Variants in MTREX observed in about 807,000 individuals in gnomAD.
MTREX encodes the protein Mtr4 exosome RNA helicase.
A neutral mutation model predicts 135.4 loss-of-function variants in MTREX; 76 were observed. The observed-to-expected ratio is 0.56, with a 90% confidence interval of 0.47 to 0.68. The LOEUF (loss-of-function observed/expected upper bound fraction) is 0.68. Ranked by LOEUF, MTREX falls within the 30% of genes least tolerant of loss-of-function variation. The pLI is 0.00. For synonymous variants in MTREX, 404 were observed against 401.6 expected, an observed-to-expected ratio of 1.01 and a Z score of -0.07; for missense variants, 920 against 1,262.1, an observed-to-expected ratio of 0.73 and a Z score of 4.11.
chr5:55,390,394 C>T (rs1340582826), intron 19 of MTREX, among the ~76,000 whole-genome samples: 1 of 152,212 alleles, frequency 6.6e-6, no homozygotes, highest in Non-Finnish European at 1.5e-5. Context: ...AGCCACCGCA[C>T]CTGGCCTTGA....
intron 15 of MTREX, among the ~76,000 whole-genome samples, chr5:55,365,851 C>A (rs148342250): frequency 0.012 from 1,770 of 152,044 alleles, 15 homozygotes; most frequent in Non-Finnish European, 0.018. Flanking sequence ...ATTAGCTGGG[C>A]CTGGTGGCAC....
At chr5:55,389,802 A>G (rs1035649771) in intron 19 of MTREX, among the ~76,000 whole-genome samples, 2 of 152,050 alleles carry the variant, frequency 1.3e-5, no homozygotes, top group Admixed American at 1.3e-4. Context: ...GAGAGGGACT[A>G]TAGGTTAAGA....
chr5:55,374,030 A>C (rs2112094066), intron 16 of MTREX, among the ~76,000 whole-genome samples: 1 of 152,112 alleles, frequency 6.6e-6, no homozygotes, highest in South Asian at 2.1e-4. Context: ...GACTGAGGTG[A>C]GTGGATCACT....
chr5:55,412,749 C>T (rs949474237), intron 23 of MTREX, among the ~76,000 whole-genome samples: 5 of 152,132 alleles, frequency 3.3e-5, no homozygotes, highest in Admixed American at 6.5e-5. Context: ...GTGCCTTCCA[C>T]CTATAGTGAA....
At position 55,327,791 on chromosome 5, in the gene MTREX, G is replaced by T. The variant is rs1471075278; in HGVS notation, c.402+13G>T. The T allele has an allele frequency of 1.3e-6, 2 of 1,592,400 alleles. No homozygotes were observed. The highest frequency in any genetic ancestry group is 1.7e-6 in the Non-Finnish European group (2 of 1,161,776). On this transcript the variant is annotated intron_variant, in intron 4 of 26. Transcript: ENST00000230640. The stretch of plus-strand genomic sequence containing the variant: ...AAAAGCTGCTAAGGTCTGTACTTTG[G>T]GTAATACAGTTTATATAGTTTCGTG...
At chr5:55,351,116 G>T in intron 13 of MTREX, 87 bp downstream of exon 13, 1 of 1,387,848 alleles carries the variant, frequency 7.2e-7, no homozygotes, top group Non-Finnish European at 9.3e-7. Flanking sequence ...TAGGCAATAT[G>T]TGTGTTTTTA....
rs1193244499 is a variant in MTREX, at chr5:55,410,577, T to G, written c.2699T>G (p.Leu900Arg). ...ATGTTTAATGGCCTTTTCAATGACC[T>G]TTCTGCAGAACAGGCAACAGCATTA... ...EMMFNGLFNDLSAEQATALLS... is the reference protein window; with the variant it reads ...EMMFNGLFNDRSAEQATALLS... The change falls in exon 23 of 27, where the codon CTT becomes CGT. Residue 900 changes from leucine (L) to arginine (R), a missense_variant. Leu to Arg is a moderately radical substitution (Grantham distance 102). Coordinates refer to ENST00000230640, the MANE Select transcript of MTREX (RefSeq NM_015360.5). 1.2e-6 allele frequency: 2 copies of G among 1,611,584 alleles called. No individual in the cohort carries two copies. The highest frequency in any genetic ancestry group is 1.7e-6 in the Non-Finnish European group (2 of 1,178,298).
At chr5:55,327,824 CT>C in intron 4 of MTREX, 46 bp downstream of exon 4, 1 of 1,340,014 alleles carries the variant, frequency 7.5e-7, no homozygotes. Context: ...GTGAGACTCT[CT>C]TTTTCTTAAA....
At chr5:55,402,786 A>C (rs1750741841) in intron 21 of MTREX, among the ~76,000 whole-genome samples, 1 of 150,666 alleles carries the variant, frequency 6.6e-6, no homozygotes, top group South Asian at 2.1e-4. Flanking sequence ...GCTTATATGT[A>C]TATAAGCACA....
chr5:55,395,610 A>G (rs1208078463), intron 19 of MTREX, among the ~76,000 whole-genome samples: 3 of 152,136 alleles, frequency 2.0e-5, no homozygotes, highest in Non-Finnish European at 4.4e-5. Flanking sequence ...AGTAAATAAT[A>G]CTATAATAAA....
In MTREX at chr5:55,344,622, TAA is replaced by T; in HGVS notation, c.1005+3_1005+4del. ...CTGCATCTTGTGGTTGATGAAAATG[TAA>T]GAGAGTAATTGTCCTTTTTAAATCT... On this transcript the variant is annotated splice_donor_region_variant and intron_variant, in intron 9 of 26. Transcript: ENST00000230640. 7 of 1,545,442 alleles carry T rather than the reference TAA, an allele frequency of 4.5e-6. No individual in the cohort carries two copies. The highest frequency in any genetic ancestry group is 5.4e-6 in the Non-Finnish European group (6 of 1,121,126).
At chr5:55,350,699 A>G (rs1749813717) in intron 12 of MTREX, among the ~76,000 whole-genome samples, 1 of 152,196 alleles carries the variant, frequency 6.6e-6, no homozygotes, top group Non-Finnish European at 1.5e-5. Flanking sequence ...GCATTTGTAA[A>G]GTATACTTAC....
chr5:55,425,238 C>A lies in MTREX; in HGVS notation c.*466C>A. 1 of 1,613,916 alleles carries A rather than the reference C, an allele frequency of 6.2e-7. No individual in the cohort carries two copies. Among genetic ancestry groups the A allele is most frequent in the Non-Finnish European group, 8.5e-7 (1 of 1,179,936 alleles). On this transcript the variant is annotated 3_prime_UTR_variant, in exon 27 of 27. Transcript: ENST00000230640. ...TGGTGATTGCTCGGATAGTGATTCCCAGTTGTTGGTGTTTCATGCAGAGTT... is the reference window on the plus strand; with the variant it reads ...TGGTGATTGCTCGGATAGTGATTCCAAGTTGTTGGTGTTTCATGCAGAGTT...
At chr5:55,416,945 T>C (rs1750975450) in intron 25 of MTREX, among the ~76,000 whole-genome samples, 1 of 152,334 alleles carries the variant, frequency 6.6e-6, no homozygotes, top group South Asian at 2.1e-4. Context: ...TCAACTGATA[T>C]TATTAAAGAA....
chr5:55,322,218 C>T, intron 1 of MTREX, 109 bp from the exon 2 acceptor site: 1 of 863,020 alleles, frequency 1.2e-6, no homozygotes. Flanking sequence ...TAACATTCAT[C>T]TATTTAAAAC....
At chr5:55,349,996 T>C (rs1749801543) in intron 12 of MTREX, among the ~76,000 whole-genome samples, 1 of 152,214 alleles carries the variant, frequency 6.6e-6, no homozygotes, top group Admixed American at 6.5e-5. Context: ...CTGAAAATCA[T>C]GTGTTTAGTG....
intron 15 of MTREX, among the ~76,000 whole-genome samples, chr5:55,360,405 C>CT (rs112334233): frequency 0.15 from 20,936 of 143,976 alleles, 1,799 homozygotes; most frequent in East Asian, 0.27. Flanking sequence ...CTGCTATGAA[C>CT]TTTTTTTTTT....
intron 19 of MTREX, among the ~76,000 whole-genome samples, chr5:55,392,726 C>T (rs1365175237): frequency 7.2e-5 from 11 of 152,098 alleles, no homozygotes; most frequent in Non-Finnish European, 1.6e-4. Context: ...CTTGACTATG[C>T]ACACAGCCCT....
At chr5:55,351,208 T>TA (rs201086284) in intron 13 of MTREX, among the ~76,000 whole-genome samples, 179 bp downstream of exon 13, 68 of 148,890 alleles carry the variant, frequency 4.6e-4, no homozygotes, top group East Asian at 1.2e-3. Flanking sequence ...GAAGTGTAGG[T>TA]AAAAAAAAAA....
Sources: allele counts gnomAD v4.1 joint callset (sites outside exome capture counted in the v4.1 genomes callset), GRCh38; gene constraint gnomAD v4.1.1; transcripts MANE v1.5; gene names NCBI Gene and HGNC (gene_info 2026-07-23, HGNC 2026-07-21).